LIN28B: variants seen among roughly 807,000 people sequenced by gnomAD.
LIN28B encodes protein lin-28 homolog B.
In LIN28B, 5 loss-of-function variants were observed where a neutral mutation model predicts 21.9. That is an observed-to-expected ratio of 0.23 (90% confidence interval 0.12 to 0.48). The LOEUF is 0.48. LIN28B is among the 20% of genes least tolerant of loss of function. The pLI is 0.98. For missense variants in LIN28B, 245 were observed against 310.5 expected, an observed-to-expected ratio of 0.79 and a Z score of 1.58; for synonymous variants, 109 against 111.3, an observed-to-expected ratio of 0.98 and a Z score of 0.13.
At chr6:105,040,743 A>G (rs1457548831) in intron 3 of LIN28B, among the ~76,000 whole-genome samples, 2 of 152,092 alleles carry the variant, frequency 1.3e-5, no homozygotes, top group Non-Finnish European at 2.9e-5. Context: ...GAGCTTTCTC[A>G]TATCTATTAG....
chr6:105,010,701 T>A (rs1196621627), intron 2 of LIN28B, among the ~76,000 whole-genome samples: 3 of 152,242 alleles, frequency 2.0e-5, no homozygotes, highest in Admixed American at 2.0e-4. Context: ...TATCATTAAC[T>A]AGAGTTCACT....
At chr6:105,059,601 A>T (rs1260058560) in intron 3 of LIN28B, among the ~76,000 whole-genome samples, 1 of 152,222 alleles carries the variant, frequency 6.6e-6, no homozygotes, top group African/African-American at 2.4e-5. Context: ...AAAATTGATT[A>T]GATAAAGGGA....
chr6:104,957,031 G>C, upstream of LIN28B: 6 of 1,398,588 alleles, frequency 4.3e-6, no homozygotes, highest in South Asian at 7.8e-5. Flanking sequence ...GGTGAAATTA[G>C]TAGCAAGAAA....
intron 3 of LIN28B, among the ~76,000 whole-genome samples, chr6:105,047,970 A>G (rs573915041): frequency 6.6e-6 from 1 of 152,176 alleles, no homozygotes; most frequent in Non-Finnish European, 1.5e-5. Flanking sequence ...GCAAACAGGG[A>G]CAATTTGACT....
chr6:105,057,996 CTTAT>C (rs1391010832), intron 3 of LIN28B: 1 of 342,172 alleles, frequency 2.9e-6, no homozygotes, highest in African/African-American at 2.2e-5. Flanking sequence ...CTCATGGTCC[CTTAT>C]TTATTTAATT....
At chr6:105,069,011 G>T (rs1216118822) in intron 3 of LIN28B, among the ~76,000 whole-genome samples, 1 of 152,170 alleles carries the variant, frequency 6.6e-6, no homozygotes, top group Non-Finnish European at 1.5e-5. Flanking sequence ...GAGGCCAGGA[G>T]TTTGAGACCA....
At chr6:105,048,673 A>T (rs1332402517) in intron 3 of LIN28B, among the ~76,000 whole-genome samples, 1 of 152,086 alleles carries the variant, frequency 6.6e-6, no homozygotes, top group Non-Finnish European at 1.5e-5. Flanking sequence ...GTGGGCTATT[A>T]ATTATTGCCT....
chr6:105,024,075 G>T (rs905853226), intron 2 of LIN28B, among the ~76,000 whole-genome samples: 8 of 151,838 alleles, frequency 5.3e-5, no homozygotes, highest in Non-Finnish European at 1.0e-4. Flanking sequence ...TGCAACCTCC[G>T]CCTCCCAGGT....
intron 3 of LIN28B, among the ~76,000 whole-genome samples, chr6:105,063,622 C>A: frequency 8.3e-6 from 1 of 120,442 alleles, no homozygotes; most frequent in African/African-American, 3.3e-5. Flanking sequence ...GGCGACAGAG[C>A]AAGACTCCAT....
chr6:104,978,639 G>C (rs1307642516), intron 2 of LIN28B, among the ~76,000 whole-genome samples: 1 of 151,796 alleles, frequency 6.6e-6, no homozygotes, highest in Admixed American at 6.6e-5. Flanking sequence ...GATAAAAGGG[G>C]TGATGGAGCC....
intron 3 of LIN28B, among the ~76,000 whole-genome samples, chr6:105,074,301 C>T (rs1772383022): frequency 6.6e-6 from 1 of 151,896 alleles, no homozygotes; most frequent in Non-Finnish European, 1.5e-5. Context: ...GGGTTCACGC[C>T]ATTCTCCTGC....
chr6:105,070,592 CCACACACA>C lies in LIN28B; in HGVS notation c.384-7780_384-7773del, dbSNP rs752057191. 1.9e-3 allele frequency among the ~76,000 whole-genome samples: 173 copies of C among 92,220 alleles called. 1 individual carries two copies. The highest frequency in any genetic ancestry group is 5.0e-3 in the African/African-American group (112 of 22,516). The allele number at this position is 92,220 out of a possible 152,430, so 60.5% of individuals were successfully genotyped here. ...CAAAACTCTATCTCTATCAATAAAA[CCACACACA>C]CACACACACACACACACACACACAC... On this transcript the variant is annotated intron_variant, in intron 3 of 3. Coordinates refer to ENST00000345080, the MANE Select transcript of LIN28B (RefSeq NM_001004317.4).
intron 3 of LIN28B, chr6:104,950,643 A>T (rs1019816713): frequency 2.3e-6 from 1 of 441,958 alleles, no homozygotes; most frequent in Admixed American, 4.4e-5. Context: ...ACAGGTACCA[A>T]GTCCTCCTAT....
intron 3 of LIN28B, among the ~76,000 whole-genome samples, chr6:105,072,288 G>C (rs1772347112): frequency 6.6e-6 from 1 of 152,130 alleles, no homozygotes. Flanking sequence ...TTTAGATATT[G>C]TAGTTCCCAA....
Position 105,006,176 on chromosome 6 carries a change from A to G in LIN28B, c.199-20122A>G, listed in dbSNP as rs75960250. Among the ~76,000 whole-genome samples, 609 of 152,296 alleles carry G rather than the reference A, an allele frequency of 4.0e-3. 7 individuals are homozygous for G. Among genetic ancestry groups the G allele is most frequent in the African/African-American group, 0.014 (567 of 41,542 alleles). ...CATTTTTACTAAACACTTTAACACT[A>G]CATAGCATGGATTGCCAACCAGTAT... On this transcript the variant is annotated intron_variant, in intron 2 of 3. Coordinates refer to ENST00000345080, the MANE Select transcript of LIN28B (RefSeq NM_001004317.4).
At chr6:105,046,920 C>T (rs1367422377) in intron 3 of LIN28B, among the ~76,000 whole-genome samples, 9 of 152,042 alleles carry the variant, frequency 5.9e-5, no homozygotes, top group Non-Finnish European at 1.2e-4. Flanking sequence ...GATATTAGCC[C>T]TTTGTCAGAT....
chr6:105,078,789 C>G lies in LIN28B; in HGVS notation c.*6C>G. On this transcript the variant is annotated 3_prime_UTR_variant, in exon 4 of 4. Transcript: ENST00000345080. ...AAAAAAGGAAAAAGACATAACAGGT[C>G]TTCTTCATATGTTCTTTCCTTTACC... The G allele has an allele frequency of 6.2e-7, 1 of 1,609,668 alleles. No homozygotes were observed. The highest frequency in any genetic ancestry group is 8.5e-7 in the Non-Finnish European group (1 of 1,177,272).
At chr6:105,032,491 G>A (rs1200385173) in intron 3 of LIN28B, among the ~76,000 whole-genome samples, 3 of 152,076 alleles carry the variant, frequency 2.0e-5, no homozygotes, top group Non-Finnish European at 2.9e-5. Context: ...TTGGGAGGCC[G>A]AGGCCAGTGA....
At chr6:104,982,490 C>T (rs1269959445) in intron 2 of LIN28B, among the ~76,000 whole-genome samples, 1 of 152,148 alleles carries the variant, frequency 6.6e-6, no homozygotes, top group Non-Finnish European at 1.5e-5. Context: ...TTGGGAAATT[C>T]TTGGCTATAC....
Sources: gnomAD v4.1 joint callset for allele counts (sites outside exome capture counted in the v4.1 genomes callset) on GRCh38, gnomAD v4.1.1 for gene constraint, MANE v1.5 for transcripts, NCBI Gene and HGNC (gene_info 2026-07-23, HGNC 2026-07-21) for gene names.